The following KLHL3 variants were observed in gnomAD, a reference collection of about 807,000 sequenced individuals.
KLHL3 encodes the protein kelch like family member 3, also known as kelch-like protein 3.
KLHL3 carries 19 observed loss-of-function variants against 70.5 expected under a neutral mutation model. That is an observed-to-expected ratio of 0.27 (90% CI 0.19 to 0.40). The LOEUF is 0.40. Ranked by LOEUF, KLHL3 falls within the 10% of genes least tolerant of loss-of-function variation. The pLI, the probability that KLHL3 is intolerant of heterozygous loss-of-function variation, is 1.00. For synonymous variants in KLHL3, 258 were observed against 290.3 expected (o/e 0.89, Z 1.13); for missense variants, 512 against 771.1 (o/e 0.66, Z 3.98).
chr5:137,637,426 T>C, intron 10 of KLHL3, 31 bp from the exon 11 acceptor site: 2 of 1,595,100 alleles, frequency 1.3e-6, no homozygotes, highest in South Asian at 2.2e-5. Context: ...GAGACTTCCG[T>C]GGCACCAGGC....
chr5:137,723,283 C>T (rs927054894), intron 1 of KLHL3, among the ~76,000 whole-genome samples: 1 of 152,132 alleles, frequency 6.6e-6, no homozygotes, highest in Admixed American at 6.5e-5. Flanking sequence ...ATAAAGAACT[C>T]GAATGGGATT....
chr5:137,686,085 C>A (rs540914530), intron 5 of KLHL3, among the ~76,000 whole-genome samples: 144 of 152,280 alleles, frequency 9.5e-4, no homozygotes, highest in Non-Finnish European at 1.6e-3. Context: ...AATCTACAGA[C>A]AAGTGAAGGC....
chr5:137,709,859 G>A lies in KLHL3; in HGVS notation c.135-3C>T. On this transcript the variant is annotated splice_polypyrimidine_tract_variant and splice_region_variant and intron_variant, in intron 2 of 14. Coordinates refer to ENST00000309755, the MANE Select transcript of KLHL3 (RefSeq NM_017415.3). ...TCACGTCACACAACAGCTGTTTACTGTAAGACACCAGTGAGAGGACAGGAT... is the reference window on the plus strand; with the variant it reads ...TCACGTCACACAACAGCTGTTTACTATAAGACACCAGTGAGAGGACAGGAT... 1 of 1,612,448 alleles carries A rather than the reference G, an allele frequency of 6.2e-7. No individual in the cohort carries two copies. The highest frequency in any genetic ancestry group is 2.2e-5 in the East Asian group (1 of 44,862).
At chr5:137,651,191 C>T (rs942448810) in intron 8 of KLHL3, among the ~76,000 whole-genome samples, 6 of 152,168 alleles carry the variant, frequency 3.9e-5, no homozygotes, top group Non-Finnish European at 8.8e-5. Flanking sequence ...TAATTGAGGC[C>T]GTGTGCCAAG....
intron 8 of KLHL3, among the ~76,000 whole-genome samples, chr5:137,647,255 T>C (rs1027727789): frequency 1.3e-5 from 2 of 152,186 alleles, no homozygotes; most frequent in African/African-American, 4.8e-5. Context: ...TTTACATAGA[T>C]GATTCTGATT....
At chr5:137,701,904 T>A (rs1173213527) in intron 3 of KLHL3, among the ~76,000 whole-genome samples, 2 of 152,280 alleles carry the variant, frequency 1.3e-5, no homozygotes, top group Admixed American at 6.5e-5. Flanking sequence ...GTCTGTCAAC[T>A]GCATATCTTG....
chr5:137,731,736 A>C (rs1240249059), intron 1 of KLHL3, among the ~76,000 whole-genome samples: 3 of 152,110 alleles, frequency 2.0e-5, no homozygotes, highest in Non-Finnish European at 4.4e-5. Flanking sequence ...AAATAATCAC[A>C]ATTTTAAGAA....
intron 1 of KLHL3, among the ~76,000 whole-genome samples, chr5:137,730,785 T>C (rs1204551893): frequency 6.6e-6 from 1 of 152,200 alleles, no homozygotes; most frequent in African/African-American, 2.4e-5. Context: ...TGAGCCCTTG[T>C]ATGTGTGTGG....
chr5:137,664,361 T>A (rs1225018701), intron 6 of KLHL3, among the ~76,000 whole-genome samples: 1 of 150,140 alleles, frequency 6.7e-6, no homozygotes, highest in Non-Finnish European at 1.5e-5. Context: ...AAAAAAAAAA[T>A]TAAAAAAAAT....
intron 12 of KLHL3, among the ~76,000 whole-genome samples, chr5:137,630,587 C>T (rs189528401): frequency 4.1e-4 from 63 of 152,286 alleles, no homozygotes; most frequent in African/African-American, 1.4e-3. Context: ...CTAGGGAGTA[C>T]GAAGACTCTA....
At chr5:137,690,956 G>A (rs915722796) in intron 5 of KLHL3, among the ~76,000 whole-genome samples, 1 of 152,190 alleles carries the variant, frequency 6.6e-6, no homozygotes, top group Non-Finnish European at 1.5e-5. Context: ...TAAATGATCA[G>A]ACCTATTTCC....
chr5:137,645,755 C>T (rs1751028268), intron 8 of KLHL3, among the ~76,000 whole-genome samples: 1 of 150,744 alleles, frequency 6.6e-6, no homozygotes, highest in Non-Finnish European at 1.5e-5. Context: ...TCAATGTAAT[C>T]CTTATCAAAC....
chr5:137,650,325 A>G (rs1260421426), intron 8 of KLHL3, among the ~76,000 whole-genome samples: 6 of 152,160 alleles, frequency 3.9e-5, no homozygotes, highest in Admixed American at 6.5e-5. Flanking sequence ...CTGTGCTCCC[A>G]GAGTGTTTTT....
rs1455671797 is a variant in KLHL3, at chr5:137,677,563, G to C, written c.618C>G (p.Thr206=). 1.2e-6 allele frequency: 2 copies of C among 1,602,286 alleles called. No individual in the cohort carries two copies. The highest frequency in any genetic ancestry group is 1.7e-6 in the Non-Finnish European group (2 of 1,174,800). Residue 206 remains threonine, a synonymous_variant, in exon 6 of 15, where the codon ACC becomes ACG. Transcript: ENST00000309755. ...VCSLISSDKL[T]VSSEEKVFEA... ...GTCATACCTTCTCTTCTGAAGAAAC[G>C]GTCAGCTTGTCGCTGGATATCAAGC...
At chr5:137,728,313 TCTGTCA>T (rs1753116992) in intron 1 of KLHL3, among the ~76,000 whole-genome samples, 1 of 152,170 alleles carries the variant, frequency 6.6e-6, no homozygotes, top group African/African-American at 2.4e-5. Flanking sequence ...ATTCTTAGCT[TCTGTCA>T]CATGACAGGT....
chr5:137,687,023 G>A (rs1752189078), intron 5 of KLHL3, among the ~76,000 whole-genome samples: 7 of 114,236 alleles, frequency 6.1e-5, no homozygotes, highest in Non-Finnish European at 7.7e-5. Flanking sequence ...AGGGAGGTGG[G>A]GGGGTCAGCC....
intron 8 of KLHL3, among the ~76,000 whole-genome samples, chr5:137,643,602 AGTTG>A: frequency 6.6e-6 from 1 of 152,282 alleles, no homozygotes; most frequent in South Asian, 2.1e-4. Context: ...TTTTATTTTT[AGTTG>A]GCACATAATA....
At chr5:137,727,440 T>C (rs1303433735) in intron 1 of KLHL3, among the ~76,000 whole-genome samples, 4 of 152,212 alleles carry the variant, frequency 2.6e-5, no homozygotes, top group Non-Finnish European at 5.9e-5. Context: ...ATGTTCTACA[T>C]GAAGCCTCAC....
At chr5:137,735,375 C>T (rs1753244718) in intron 1 of KLHL3, among the ~76,000 whole-genome samples, 1 of 152,224 alleles carries the variant, frequency 6.6e-6, no homozygotes, top group Admixed American at 6.5e-5. Context: ...CCAGGAAGTC[C>T]CTTCTTTCAG....
Sources: allele counts gnomAD v4.1 joint callset (sites outside exome capture counted in the v4.1 genomes callset), GRCh38; gene constraint gnomAD v4.1.1; transcripts MANE v1.5; gene names NCBI Gene and HGNC (gene_info 2026-07-23, HGNC 2026-07-21).